Variants in FBXO46 observed in about 807,000 individuals in gnomAD.
FBXO46 encodes the protein F-box only protein 46.
In FBXO46, 13 loss-of-function variants were observed where a neutral mutation model predicts 30.7. The observed-to-expected ratio is 0.42, with a 90% CI of 0.28 to 0.67. FBXO46 has a LOEUF of 0.67. Among genes scored for constraint, FBXO46 ranks in the 30% least tolerant of loss-of-function variants. FBXO46 has a pLI of 0.21. For missense variants in FBXO46, 754 were observed against 871.5 expected, an observed-to-expected ratio of 0.87 and a Z score of 1.70; for synonymous variants, 467 against 385.8, an observed-to-expected ratio of 1.21 and a Z score of -2.47.
At chr19:45,731,016 G>C, upstream of FBXO46, 1 of 152,196 alleles carries the variant, frequency 6.6e-6, no homozygotes, top group East Asian at 1.9e-4. Context: ...GGTGGGGTAG[G>C]AAGCAAATTA....
rs35706964 is a variant in FBXO46 at position 45,722,761 on chromosome 19, C to CAA, written c.-79+8086_-79+8087dup. On this transcript the variant is annotated intron_variant, in intron 1 of 1. Transcript: ENST00000317683. ...TGGGCGACAGAGCCAGACTCCGTCT[C>CAA]AAAAAAAAAAAAAAGTGGGCTGGGT... Among the ~76,000 whole-genome samples the CAA allele has an allele frequency of 2.0e-3, 273 of 136,378 alleles. 2 individuals are homozygous for CAA. The highest frequency in any genetic ancestry group is 5.4e-3 in the African/African-American group (198 of 36,468). The allele number at this position is 136,378 out of a possible 152,430, so 89.5% of individuals were successfully genotyped here. A position where few individuals can be genotyped will look rare whatever the true frequency, so the allele number is the denominator to read the frequency against.
intron 1 of FBXO46, among the ~76,000 whole-genome samples, chr19:45,720,495 C>G (rs1968154294): frequency 6.6e-6 from 1 of 152,092 alleles, no homozygotes; most frequent in Non-Finnish European, 1.5e-5. Flanking sequence ...TCTTGAACTC[C>G]TTACCTCAAG....
intron 1 of FBXO46, among the ~76,000 whole-genome samples, chr19:45,718,926 G>A (rs1404659169): frequency 6.7e-6 from 1 of 149,212 alleles, no homozygotes; most frequent in African/African-American, 2.5e-5. Context: ...ACAAGTAGAG[G>A]AGTAACATTA....
At chr19:45,720,158 C>G (rs921975257) in intron 1 of FBXO46, among the ~76,000 whole-genome samples, 1 of 151,896 alleles carries the variant, frequency 6.6e-6, no homozygotes, top group Non-Finnish European at 1.5e-5. Flanking sequence ...GAGTCTTGCT[C>G]TGTTGCCCAG....
chr19:45,732,313 C>G (rs746348426), upstream of FBXO46, among the ~76,000 whole-genome samples: 28 of 152,032 alleles, frequency 1.8e-4, no homozygotes, highest in South Asian at 1.5e-3. Flanking sequence ...AGAGATTAAG[C>G]CTCTTGTCGC....
Position 45,711,320 on chromosome 19 carries a change from T to A in FBXO46, c.*364A>T. On this transcript the variant is annotated 3_prime_UTR_variant, in exon 2 of 2. Coordinates refer to ENST00000317683, the MANE Select transcript of FBXO46 (RefSeq NM_001080469.2). ...GTGAGGGAGAGGATGGGGGCCAGAA[T>A]GGGGGGACCCTTAAGTGGTACCAAA... 1 of 459,570 alleles carries A rather than the reference T, an allele frequency of 2.2e-6. No individual in the cohort carries two copies. The highest frequency in any genetic ancestry group is 1.7e-5 in the South Asian group (1 of 59,862). The allele number at this position is 459,570 out of a possible 1,614,324, so 28.5% of individuals were successfully genotyped here.
chr19:45,711,916 T>C lies in FBXO46; in HGVS notation c.1580A>G (p.Asp527Gly). Residue 527 changes from aspartate to glycine, a missense_variant, in exon 2 of 2, where the codon GAT becomes GGT. Coordinates refer to ENST00000317683, the MANE Select transcript of FBXO46 (RefSeq NM_001080469.2). Reference protein sequence around the residue: ...SRWSRDPLYRDDPCKQCRKRY... With the variant: ...SRWSRDPLYRGDPCKQCRKRY... Reference sequence around the variant, plus strand: ...CTTGCGGCACTGTTTGCACGGATCATCGCGGTAGAGCGGGTCTCGGCTCCA... The same window carrying C: ...CTTGCGGCACTGTTTGCACGGATCACCGCGGTAGAGCGGGTCTCGGCTCCA... 6.2e-7 allele frequency: 1 copy of C among 1,613,606 alleles called. No individual in the cohort carries two copies. Among genetic ancestry groups the C allele is most frequent in the Non-Finnish European group, 8.5e-7 (1 of 1,179,806 alleles).
chr19:45,713,553 G>A lies in FBXO46; in HGVS notation c.-58C>T, dbSNP rs1169666502. ...AGCGCATCTCAGGACCTAGGTGGTG[G>A]TGGGAGGCTCCACATGCCACCTGGA... On this transcript the variant is annotated 5_prime_UTR_variant, in exon 2 of 2. Transcript: ENST00000317683. The surrounding 1 kb of genome is among the most constrained non-coding windows in gnomAD (Gnocchi z 4.7). 3.1e-5 allele frequency: 44 copies of A among 1,403,640 alleles called. No individual in the cohort carries two copies. In the East Asian group the frequency reaches 9.5e-4, roughly 30 times the overall value. The allele number at this position is 1,403,640 out of a possible 1,614,324, so 86.9% of individuals were successfully genotyped here.
chr19:45,712,509 C>T lies in FBXO46; in HGVS notation c.987G>A (p.Arg329=), dbSNP rs747681772. 1 of 1,604,086 alleles carries T rather than the reference C, an allele frequency of 6.2e-7. No individual in the cohort carries two copies. Among genetic ancestry groups the T allele is most frequent in the South Asian group, 1.1e-5 (1 of 89,994 alleles). ...TGTCACCCTCACTGGCCTCATCCGC[C>T]CTGGCCAGCAGGAACTCCACGTTGC... is the stretch of plus-strand genomic sequence containing the variant. ...LPSNVEFLLA[R]ADEASEGDSP... The change falls in exon 2 of 2, where the codon AGG becomes AGA. Residue 329 remains arginine (R), a synonymous_variant. Transcript: ENST00000317683. This position sits in a 1 kb window ranked among gnomAD's most constrained non-coding sequence, Gnocchi z 8.8.
upstream of FBXO46, among the ~76,000 whole-genome samples, chr19:45,731,074 G>C (rs2146165767): frequency 6.6e-6 from 1 of 152,338 alleles, no homozygotes; most frequent in East Asian, 1.9e-4. Context: ...GACAAAGCCG[G>C]GGAGGACTTG....
At position 45,726,895 on chromosome 19, in the gene FBXO46, C is replaced by G. The variant is rs150112803; in HGVS notation, c.-79+3954G>C. On this transcript the variant is annotated intron_variant, in intron 1 of 1. Transcript: ENST00000317683. Reference sequence around the variant, plus strand: ...ACCCCAGGCATTTTATATATGCCACCTCATCAGTTACCACGTCAACTCCTT... The same window carrying G: ...ACCCCAGGCATTTTATATATGCCACGTCATCAGTTACCACGTCAACTCCTT... Among the ~76,000 whole-genome samples the G allele has an allele frequency of 4.4e-3, 674 of 152,288 alleles. 10 individuals are homozygous for G. Among genetic ancestry groups the G allele is most frequent in the African/African-American group, 0.015 (613 of 41,554 alleles).
At chr19:45,717,376 G>A (rs1320421129) in intron 1 of FBXO46, 2 of 152,290 alleles carry the variant, frequency 1.3e-5, no homozygotes, top group African/African-American at 4.8e-5. Flanking sequence ...GGGCAGACTA[G>A]CAACTAGCTT....
At chr19:45,730,488 C>G (rs1389939530) in intron 1 of FBXO46, among the ~76,000 whole-genome samples, 1 of 152,022 alleles carries the variant, frequency 6.6e-6, no homozygotes, top group Non-Finnish European at 1.5e-5. Context: ...TCCAGACCCC[C>G]TCACTCATCC....
At chr19:45,717,782 G>A (rs968193602) in intron 1 of FBXO46, among the ~76,000 whole-genome samples, 5 of 137,608 alleles carry the variant, frequency 3.6e-5, no homozygotes, top group African/African-American at 1.3e-4. Context: ...GAACTGTGGG[G>A]GCGGGGGGCG....
intron 1 of FBXO46, among the ~76,000 whole-genome samples, chr19:45,727,860 C>T (rs1023210443): frequency 1.3e-5 from 2 of 152,182 alleles, no homozygotes; most frequent in Non-Finnish European, 2.9e-5. Context: ...GAAATATTTT[C>T]TCTTCACTGA....
At chr19:45,732,587 CCTTTTTTTTTT>C (rs1568551393), upstream of FBXO46, among the ~76,000 whole-genome samples, 1 of 99,932 alleles carries the variant, frequency 1.0e-5, no homozygotes, top group African/African-American at 3.9e-5. Context: ...TCTTTTTTTT[CCTTTTTTTTTT>C]TTTTTTTTTT....
Position 45,712,695 on chromosome 19 carries a change from G to C in FBXO46, c.801C>G (p.Asn267Lys). 2 of 1,612,780 alleles carry C rather than the reference G, an allele frequency of 1.2e-6. No homozygotes were observed. The highest frequency in any genetic ancestry group is 1.7e-6 in the Non-Finnish European group (2 of 1,179,448). Residue 267 changes from asparagine to lysine, a missense_variant, in exon 2 of 2, where the codon AAC becomes AAG. This residue lies in a region of FBXO46 where 454 missense variants were observed against 426.5 expected (regional missense o/e 1.06). Transcript: ENST00000317683. This position sits in a 1 kb window ranked among gnomAD's most constrained non-coding sequence, Gnocchi z 8.8. ...TGTCTGGTGCACGGGGCTCCCGGCC[G>C]TTGGAGATGCGGAAGGCGATGCGCA... ...GEVRIAFRIS[N>K]GREPRAPDSG... is the part of the protein sequence containing the mutation.
rs1967950867 is a variant in FBXO46, at chr19:45,711,088, G to A, written c.*596C>T. On this transcript the variant is annotated 3_prime_UTR_variant, in exon 2 of 2. Coordinates refer to ENST00000317683, the MANE Select transcript of FBXO46 (RefSeq NM_001080469.2). ...GGAGAGACTGGTAGCTTGAGGTTAA[G>A]GAGAAAACAGTATTTCCCCCCCACT... The A allele has an allele frequency of 2.9e-6, 1 of 342,752 alleles. No individual in the cohort carries two copies. The highest frequency in any genetic ancestry group is 5.7e-6 in the Non-Finnish European group (1 of 176,126). 21.2% of individuals were successfully genotyped at this position (342,752 alleles called of 1,614,324 possible).
chr19:45,712,773 A>G lies in FBXO46; in HGVS notation c.723T>C (p.Pro241=). The part of the protein sequence containing the change: ...VAHFEAQRDS[P]PTKGLRKEER... ...CTTCCTTGCGGAGGCCCTTGGTGGG[A>G]GGGCTGTCCCTCTGCGCTTCAAAGT... The change falls in exon 2 of 2, where the codon CCT becomes CCC. Residue 241 remains proline, a synonymous_variant. Coordinates refer to ENST00000317683, the MANE Select transcript of FBXO46 (RefSeq NM_001080469.2). This position sits in a 1 kb window ranked among gnomAD's most constrained non-coding sequence, Gnocchi z 8.8. 1 of 1,610,904 alleles carries G rather than the reference A, an allele frequency of 6.2e-7. No individual in the cohort carries two copies. The highest frequency in any genetic ancestry group is 1.1e-5 in the South Asian group (1 of 90,838).
Sources: gnomAD v4.1 joint callset for allele counts (sites outside exome capture counted in the v4.1 genomes callset) on GRCh38, gnomAD v4.1.1 for gene constraint, gnomAD v4.1.1 regional missense constraint, Gnocchi (gnomAD v3.1) non-coding constraint, MANE v1.5 for transcripts, NCBI Gene and HGNC (gene_info 2026-07-23, HGNC 2026-07-21) for gene names.